DIAPH2: variants seen among roughly 807,000 people sequenced by gnomAD.
The protein encoded by DIAPH2 is diaphanous related formin 2.
In DIAPH2, 35 loss-of-function variants were observed where a neutral mutation model predicts 92.7. The ratio of observed to expected loss-of-function variants is 0.38; its 90% confidence interval spans 0.29 to 0.50. The LOEUF (loss-of-function observed/expected upper bound fraction) is 0.50. Among genes scored for constraint, DIAPH2 ranks in the 20% least tolerant of loss-of-function variants. The probability of loss-of-function intolerance (pLI) is 0.94; values close to 1 mark genes in which losing one functional copy is unlikely to be tolerated. For synonymous variants in DIAPH2, 301 were observed against 280.4 expected (o/e 1.07, Z -0.73); for missense variants, 701 against 819.5 (o/e 0.86, Z 1.77).
chrX:97,459,619 GGC>G (rs2070441062), intron 26 of DIAPH2, among the ~76,000 whole-genome samples: 3 of 112,007 alleles, frequency 2.7e-5, no homozygotes, highest in African/African-American at 9.7e-5. Flanking sequence ...ATATATGCCA[GGC>G]ATGATGGGTT....
intron 4 of DIAPH2, among the ~76,000 whole-genome samples, chrX:96,801,580 C>T (rs1205064366): frequency 1.8e-5 from 2 of 111,249 alleles, no homozygotes; most frequent in Non-Finnish European, 3.8e-5. Flanking sequence ...GTATTACTGT[C>T]TCACAAAACT....
At chrX:96,734,962 TA>T (rs924725952) in intron 1 of DIAPH2, among the ~76,000 whole-genome samples, 1 of 110,865 alleles carries the variant, frequency 9.0e-6, no homozygotes, top group African/African-American at 3.3e-5. Context: ...AACAGACAAT[TA>T]AAAAAAATCT....
chrX:97,129,394 T>C (rs1166274192), intron 21 of DIAPH2, among the ~76,000 whole-genome samples: 1 of 109,579 alleles, frequency 9.1e-6, no homozygotes, highest in Non-Finnish European at 1.9e-5. Flanking sequence ...CTCGAACTCC[T>C]GACCGCGTGA....
At chrX:96,821,367 T>C (rs2064776768) in intron 4 of DIAPH2, among the ~76,000 whole-genome samples, 1 of 111,466 alleles carries the variant, frequency 9.0e-6, no homozygotes, top group African/African-American at 3.3e-5. Flanking sequence ...ACCCATTGAC[T>C]TTTTGCTGTA....
intron 15 of DIAPH2, among the ~76,000 whole-genome samples, chrX:96,950,748 G>A (rs1486283552): frequency 8.9e-6 from 1 of 111,733 alleles, no homozygotes; most frequent in Non-Finnish European, 1.9e-5. Context: ...GCCTGTTGCA[G>A]ACAGGATTAA....
chrX:96,905,771 G>C (rs1009357970), intron 5 of DIAPH2, among the ~76,000 whole-genome samples: 1 of 111,896 alleles, frequency 8.9e-6, no homozygotes. Flanking sequence ...ATTCTGATGT[G>C]AATTGGCCAG....
Position 97,599,680 on chromosome X carries a change from C to CA in DIAPH2, c.*368dup, listed in dbSNP as rs57230163. The CA allele has an allele frequency of 0.34, 41,254 of 120,489 alleles. 5,469 individuals are homozygous for CA. The highest frequency in any genetic ancestry group is 0.58 in the South Asian group (1,989 of 3,401). The allele number at this position is 120,489 out of a possible 1,213,427, so 9.9% of individuals were successfully genotyped here. On this transcript the variant is annotated 3_prime_UTR_variant, in exon 27 of 27. Transcript: ENST00000324765. ...TCTTAAATGTGTAAGTCACCCCCAC[C>CA]AAAAACAAAAGAGAAGAAAAAGAAT...
chrX:97,020,165 G>T (rs1187608356), intron 17 of DIAPH2, among the ~76,000 whole-genome samples: 1 of 112,405 alleles, frequency 8.9e-6, no homozygotes, highest in African/African-American at 3.2e-5. Flanking sequence ...TTTAACAAAG[G>T]ATGGTTAATG....
Position 97,003,340 on chromosome X carries a change from A to G in DIAPH2, c.2050+38133A>G, listed in dbSNP as rs111355804. Among the ~76,000 whole-genome samples, 852 of 111,845 alleles carry G rather than the reference A, an allele frequency of 7.6e-3. 8 individuals carry two copies. The highest frequency in any genetic ancestry group is 0.026 in the African/African-American group (815 of 30,800). The stretch of plus-strand genomic sequence containing the variant: ...CCCAGCAGTGAGATTGCTGGATCAT[A>G]TGGTAGCTCAATTTTTAGTTTTTTA... On this transcript the variant is annotated intron_variant, in intron 17 of 26. Coordinates refer to ENST00000324765, the MANE Select transcript of DIAPH2 (RefSeq NM_006729.5).
rs758666786 is a variant in DIAPH2, at chrX:97,045,848, A to ATTTTTT, written c.2051-27075_2051-27070dup. On this transcript the variant is annotated intron_variant, in intron 17 of 26. Coordinates refer to ENST00000324765, the MANE Select transcript of DIAPH2 (RefSeq NM_006729.5). The stretch of plus-strand genomic sequence containing the variant: ...GGGTATGGTATTAGGGTATTTTAGG[A>ATTTTTT]TTTTTTTTTTTTTTTTTTTTTTTGA... Among the ~76,000 whole-genome samples the ATTTTTT allele has an allele frequency of 1.7e-3, 109 of 64,407 alleles. 1 individual carries two copies. Among genetic ancestry groups the ATTTTTT allele is most frequent in the African/African-American group, 6.3e-3 (105 of 16,625 alleles). The allele number at this position is 64,407 out of a possible 115,157, so 55.9% of individuals were successfully genotyped here. A position where few individuals can be genotyped will look rare whatever the true frequency, so the allele number is the denominator to read the frequency against.
chrX:97,003,147 G>A (rs2066156421), intron 17 of DIAPH2, among the ~76,000 whole-genome samples: 1 of 109,388 alleles, frequency 9.1e-6, no homozygotes, highest in African/African-American at 3.3e-5. Context: ...TTTTTTACTG[G>A]CTGAATAGTA....
chrX:97,569,171 T>G (rs1270289772), intron 26 of DIAPH2, among the ~76,000 whole-genome samples: 2 of 111,511 alleles, frequency 1.8e-5, no homozygotes, highest in African/African-American at 3.3e-5. Flanking sequence ...ATAAATAAAA[T>G]TAAGGTAAGG....
At chrX:97,571,984 A>C (rs1014640812) in intron 26 of DIAPH2, among the ~76,000 whole-genome samples, 1 of 111,299 alleles carries the variant, frequency 9.0e-6, no homozygotes, top group East Asian at 2.8e-4. Flanking sequence ...CTTTCTGTGC[A>C]CTTTGTCAAA....
intron 9 of DIAPH2, among the ~76,000 whole-genome samples, chrX:96,925,817 G>A (rs1004781791): frequency 3.6e-5 from 4 of 111,385 alleles, no homozygotes; most frequent in African/African-American, 6.5e-5. Flanking sequence ...GTCATATTGT[G>A]CTTTGTTTCC....
At chrX:97,115,185 T>G (rs1438405888) in intron 21 of DIAPH2, among the ~76,000 whole-genome samples, 2 of 111,840 alleles carry the variant, frequency 1.8e-5, no homozygotes, top group East Asian at 5.6e-4. Flanking sequence ...GTACTTAACA[T>G]TTGCTGATTA....
At chrX:97,070,837 T>G (rs1306666859) in intron 17 of DIAPH2, among the ~76,000 whole-genome samples, 2 of 111,618 alleles carry the variant, frequency 1.8e-5, no homozygotes, top group Non-Finnish European at 3.8e-5. Context: ...TAATCTTAAT[T>G]TTAAACAATT....
Position 97,107,345 on chromosome X carries a change from G to T in DIAPH2, c.2350-7381G>T, listed in dbSNP as rs1032350562. Among the ~76,000 whole-genome samples the T allele has an allele frequency of 1.6e-4, 18 of 110,893 alleles. No individual in the cohort carries two copies. The Admixed American group carries it at 1.7e-3, about 11-fold the overall frequency. On this transcript the variant is annotated intron_variant, in intron 20 of 26. Coordinates refer to ENST00000324765, the MANE Select transcript of DIAPH2 (RefSeq NM_006729.5). ...AGGCTTCAATTCACAGATTAAGTAT[G>T]GCCCTTTTCTCTCATGACATCTAAT...
chrX:96,913,566 A>G (rs1046057693), intron 7 of DIAPH2, among the ~76,000 whole-genome samples: 8 of 111,574 alleles, frequency 7.2e-5, no homozygotes, highest in African/African-American at 2.6e-4. Context: ...TGGTAGTAGG[A>G]AAATTTAAAT....
intron 22 of DIAPH2, among the ~76,000 whole-genome samples, chrX:97,241,322 G>A (rs1169387607): frequency 2.8e-5 from 3 of 108,576 alleles, no homozygotes; most frequent in Non-Finnish European, 5.7e-5. Context: ...TTCCCGAGAC[G>A]GAGTCTCGCT....
Sources: gnomAD v4.1 joint callset for allele counts (sites outside exome capture counted in the v4.1 genomes callset) on GRCh38, gnomAD v4.1.1 for gene constraint, MANE v1.5 for transcripts, NCBI Gene and HGNC (gene_info 2026-07-23, HGNC 2026-07-21) for gene names.